The following BCKDHB variants were observed in gnomAD, a reference collection of about 807,000 sequenced individuals.
BCKDHB encodes the protein 2-oxoisovalerate dehydrogenase subunit beta, mitochondrial.
BCKDHB carries 41 observed loss-of-function variants against 48.5 expected under a neutral mutation model. The observed-to-expected ratio is 0.85, with a 90% CI of 0.66 to 1.10. The LOEUF (loss-of-function observed/expected upper bound fraction) is 1.10. Among genes scored for constraint, BCKDHB ranks in the 50% least tolerant of loss-of-function variants. The probability of loss-of-function intolerance (pLI) is 0.00; values close to 1 mark genes in which losing one functional copy is unlikely to be tolerated. For synonymous variants in BCKDHB, 201 were observed against 174.8 expected (o/e 1.15, Z -1.18); for missense variants, 496 against 494.2 (o/e 1.00, Z -0.03).
chr6:80,434,787 G>A, the BCKDHB span, among the ~76,000 whole-genome samples: 4 of 152,120 alleles, frequency 2.6e-5, no homozygotes, highest in South Asian at 8.3e-4. Context: ...CTGGCTGGTG[G>A]AAATATGTTC....
intron 6 of BCKDHB, among the ~76,000 whole-genome samples, chr6:80,184,025 A>G (rs1315216135): frequency 2.6e-5 from 4 of 152,164 alleles, no homozygotes; most frequent in Non-Finnish European, 4.4e-5. Flanking sequence ...AAGTTTTGAC[A>G]GTTATGAATA....
At chr6:80,335,099 T>G (rs1033527597) in intron 9 of BCKDHB, among the ~76,000 whole-genome samples, 17 of 151,846 alleles carry the variant, frequency 1.1e-4, no homozygotes, top group African/African-American at 3.9e-4. Context: ...GCTCTAATCT[T>G]TCAAATTCTA....
At chr6:80,389,046 G>A in the BCKDHB span, among the ~76,000 whole-genome samples, 1 of 152,214 alleles carries the variant, frequency 6.6e-6, no homozygotes, top group Non-Finnish European at 1.5e-5. Context: ...TTGGGGAAGA[G>A]ATATGTGGAT....
intron 8 of BCKDHB, among the ~76,000 whole-genome samples, chr6:80,241,695 A>G (rs1776397083): frequency 6.6e-6 from 1 of 152,212 alleles, no homozygotes; most frequent in Non-Finnish European, 1.5e-5. Flanking sequence ...TTCCTACATT[A>G]TCAGCATTTT....
At chr6:80,453,031 A>T in the BCKDHB span, 1 of 152,246 alleles carries the variant, frequency 6.6e-6, no homozygotes, top group East Asian at 1.9e-4. Context: ...ATTATAATGC[A>T]TATGAATATA....
At chr6:80,202,609 T>C (rs1381945968) in intron 7 of BCKDHB, among the ~76,000 whole-genome samples, 1 of 152,092 alleles carries the variant, frequency 6.6e-6, no homozygotes, top group African/African-American at 2.4e-5. Context: ...CTATGAAATC[T>C]TTTCCTCTTA....
chr6:80,460,266 T>A, the BCKDHB span, among the ~76,000 whole-genome samples: 1 of 152,178 alleles, frequency 6.6e-6, no homozygotes. Flanking sequence ...AGATAATGTA[T>A]TTAAGACAAT....
the BCKDHB span, among the ~76,000 whole-genome samples, chr6:80,466,526 ATATAAC>A: frequency 1.4e-4 from 21 of 152,242 alleles, no homozygotes; most frequent in African/African-American, 4.3e-4. Context: ...CACAATATAT[ATATAAC>A]TATGTTAGGT....
intron 3 of BCKDHB, among the ~76,000 whole-genome samples, chr6:80,166,485 G>A (rs1279370206): frequency 6.6e-6 from 1 of 151,848 alleles, no homozygotes; most frequent in African/African-American, 2.4e-5. Context: ...GTGAAACCCC[G>A]TCTTTCCTAA....
At chr6:80,292,911 C>T (rs2127985737) in intron 9 of BCKDHB, among the ~76,000 whole-genome samples, 1 of 152,272 alleles carries the variant, frequency 6.6e-6, no homozygotes, top group Middle Eastern at 3.4e-3. Context: ...CTTAAAGCTC[C>T]AAAATGATCT....
At chr6:80,326,880 A>T (rs1424508278) in intron 9 of BCKDHB, among the ~76,000 whole-genome samples, 1 of 152,140 alleles carries the variant, frequency 6.6e-6, no homozygotes, top group Non-Finnish European at 1.5e-5. Flanking sequence ...GAAAAGAAAA[A>T]AAAAGAGTAA....
downstream of BCKDHB, among the ~76,000 whole-genome samples, chr6:80,348,259 T>G (rs1185050530): frequency 6.6e-6 from 1 of 152,184 alleles, no homozygotes; most frequent in African/African-American, 2.4e-5. Flanking sequence ...TCTCAATTCC[T>G]TAGGTTTAAA....
At chr6:80,166,932 T>C in intron 3 of BCKDHB, among the ~76,000 whole-genome samples, 1 of 152,104 alleles carries the variant, frequency 6.6e-6, no homozygotes, top group Non-Finnish European at 1.5e-5. Flanking sequence ...TCACACTCCC[T>C]CCTTTTTTTT....
At position 80,181,055 on chromosome 6, in the gene BCKDHB, A is replaced by G. The variant is rs955976982; in HGVS notation, c.742+9665A>G. 9.9e-5 allele frequency among the ~76,000 whole-genome samples: 15 copies of G among 152,220 alleles called. No individual in the cohort carries two copies. The South Asian group carries it at 2.7e-3, about 27-fold the overall frequency. On this transcript the variant is annotated intron_variant, in intron 6 of 9. Transcript: ENST00000320393. ...CTTTCCCCACAGGCAACAACTTTCA[A>G]CTCTTTTAGTTGAAAGAGTTGAACT... is the stretch of plus-strand genomic sequence containing the variant.
At chr6:80,405,310 T>C in the BCKDHB span, among the ~76,000 whole-genome samples, 2,468 of 152,230 alleles carry the variant, frequency 0.016, 63 homozygotes, top group African/African-American at 0.056. Context: ...CTCATGACAG[T>C]TTTCACTTAA....
At chr6:80,287,173 T>A (rs1766665325) in intron 9 of BCKDHB, among the ~76,000 whole-genome samples, 1 of 152,104 alleles carries the variant, frequency 6.6e-6, no homozygotes, top group African/African-American at 2.4e-5. Context: ...TTGCATAGAG[T>A]CAGAGAGATC....
intron 8 of BCKDHB, among the ~76,000 whole-genome samples, chr6:80,238,505 G>A (rs978449836): frequency 2.0e-5 from 3 of 152,270 alleles, no homozygotes; most frequent in Admixed American, 6.5e-5. Flanking sequence ...TGGCAGCCTC[G>A]GAAACCAGAG....
intron 8 of BCKDHB, among the ~76,000 whole-genome samples, chr6:80,250,098 T>A (rs750660697): frequency 1.4e-4 from 21 of 152,102 alleles, no homozygotes; most frequent in Non-Finnish European, 2.9e-4. Flanking sequence ...CAGAGAGTAG[T>A]TAGTATCCTG....
the BCKDHB span, among the ~76,000 whole-genome samples, chr6:80,400,083 A>G: frequency 6.6e-6 from 1 of 152,118 alleles, no homozygotes; most frequent in Non-Finnish European, 1.5e-5. Flanking sequence ...AATAAACTCA[A>G]GATAGATTAA....
Sources: gnomAD v4.1 joint callset for allele counts (sites outside exome capture counted in the v4.1 genomes callset) on GRCh38, gnomAD v4.1.1 for gene constraint, MANE v1.5 for transcripts, NCBI Gene and HGNC (gene_info 2026-07-23, HGNC 2026-07-21) for gene names.